Variants in HMGCLL1 observed in about 807,000 individuals in gnomAD.
The protein encoded by HMGCLL1 is 3-hydroxymethyl-3-methylglutaryl-CoA lyase, cytoplasmic.
HMGCLL1 carries 36 observed loss-of-function variants against 39.1 expected under a neutral mutation model. The ratio of observed to expected loss-of-function variants is 0.92; its 90% CI spans 0.71 to 1.22. HMGCLL1 has a LOEUF of 1.22. HMGCLL1 is among the 50% of genes most tolerant of loss of function. The pLI is 0.00. For missense variants in HMGCLL1, 451 were observed against 416.5 expected (o/e 1.08, Z -0.72); for synonymous variants, 149 against 144.0 (o/e 1.03, Z -0.25).
intron 5 of HMGCLL1, among the ~76,000 whole-genome samples, chr6:55,501,816 A>C (rs1258327601): frequency 6.6e-6 from 1 of 151,856 alleles, no homozygotes; most frequent in Non-Finnish European, 1.5e-5. Flanking sequence ...CATCACCTGG[A>C]TTGCTCTACT....
chr6:55,599,148 G>T, the HMGCLL1 span, among the ~76,000 whole-genome samples: 4 of 152,030 alleles, frequency 2.6e-5, no homozygotes, highest in African/African-American at 9.7e-5. Context: ...AGCATTAGGA[G>T]AAACACCTAG....
chr6:55,645,938 C>T, the HMGCLL1 span, among the ~76,000 whole-genome samples: 1 of 151,634 alleles, frequency 6.6e-6, no homozygotes, highest in Non-Finnish European at 1.5e-5. Flanking sequence ...CTCTCTTCTT[C>T]TATGATTTGG....
intron 7 of HMGCLL1, among the ~76,000 whole-genome samples, chr6:55,464,377 G>A (rs1764708946): frequency 6.6e-6 from 1 of 152,072 alleles, no homozygotes; most frequent in South Asian, 2.1e-4. Context: ...GACTTTTAGT[G>A]GTTTAATTAT....
chr6:55,435,552 C>T lies in HMGCLL1; in HGVS notation c.*110G>A. The T allele has an allele frequency of 1.9e-6, 1 of 519,542 alleles. No individual in the cohort carries two copies. The highest frequency in any genetic ancestry group is 3.4e-6 in the Non-Finnish European group (1 of 292,366). The allele number at this position is 519,542 out of a possible 1,614,324, so 32.2% of individuals were successfully genotyped here. ...TTTTTGAAAAGGATCTCTTTTTTCC[C>T]ACTCTTGTCCATTACTTCACATATC... On this transcript the variant is annotated 3_prime_UTR_variant, in exon 9 of 9. Transcript: ENST00000274901.
In HMGCLL1 at chr6:55,435,630, C is replaced by T. The variant is rs1448248956; in HGVS notation, c.*32G>A. ...GATGAGTATTGTAGCTGAAATTGAT[C>T]TTCTCAACGGTACGTCATAAATCCA... On this transcript the variant is annotated 3_prime_UTR_variant, in exon 9 of 9. Transcript: ENST00000274901. 1 of 1,243,560 alleles carries T rather than the reference C, an allele frequency of 8.0e-7. No individual in the cohort carries two copies. Among genetic ancestry groups the T allele is most frequent in the Admixed American group, 2.0e-5 (1 of 49,914 alleles). 77.0% of individuals were successfully genotyped at this position (1,243,560 alleles called of 1,614,324 possible).
chr6:55,666,800 T>G, the HMGCLL1 span, among the ~76,000 whole-genome samples: 1 of 151,718 alleles, frequency 6.6e-6, no homozygotes, highest in African/African-American at 2.4e-5. Context: ...TTTCAAAATT[T>G]TTGGACACAT....
chr6:55,598,576 C>G, the HMGCLL1 span, among the ~76,000 whole-genome samples: 1 of 152,312 alleles, frequency 6.6e-6, no homozygotes, highest in East Asian at 1.9e-4. Context: ...AAATAGCAAG[C>G]TTTTCAGAAC....
chr6:55,478,259 T>C (rs1192015300), intron 7 of HMGCLL1, among the ~76,000 whole-genome samples: 1 of 151,336 alleles, frequency 6.6e-6, no homozygotes, highest in African/African-American at 2.4e-5. Flanking sequence ...CACCTCTCCG[T>C]ATGACATCAA....
upstream of HMGCLL1, among the ~76,000 whole-genome samples, chr6:55,582,674 T>C (rs920717366): frequency 6.6e-6 from 1 of 152,144 alleles, no homozygotes; most frequent in African/African-American, 2.4e-5. Context: ...TACAGCAATT[T>C]TGAGAAATTC....
chr6:55,534,624 G>A (rs1245385473), intron 3 of HMGCLL1, among the ~76,000 whole-genome samples: 1 of 152,120 alleles, frequency 6.6e-6, no homozygotes, highest in East Asian at 1.9e-4. Context: ...GCCTGCAGCT[G>A]CCCAAGCCCC....
chr6:55,576,792 A>T (rs1395918296), intron 1 of HMGCLL1, among the ~76,000 whole-genome samples: 1 of 152,338 alleles, frequency 6.6e-6, no homozygotes, highest in Admixed American at 6.5e-5. Context: ...TGAATAAATT[A>T]TACTGGCATT....
chr6:55,654,720 A>G, the HMGCLL1 span, among the ~76,000 whole-genome samples: 1 of 151,928 alleles, frequency 6.6e-6, no homozygotes, highest in Non-Finnish European at 1.5e-5. Context: ...TCTCTGAAAT[A>G]TTATATTGAA....
At chr6:55,653,501 A>C in the HMGCLL1 span, among the ~76,000 whole-genome samples, 12 of 131,948 alleles carry the variant, frequency 9.1e-5, no homozygotes, top group Non-Finnish European at 1.9e-4. Flanking sequence ...AAAACTTCAA[A>C]CTACCCTGTA....
the HMGCLL1 span, among the ~76,000 whole-genome samples, chr6:55,646,104 T>C: frequency 6.6e-6 from 1 of 151,920 alleles, no homozygotes; most frequent in Non-Finnish European, 1.5e-5. Flanking sequence ...ATTGGATTTA[T>C]TTATGGTTAA....
chr6:55,667,898 C>CT, the HMGCLL1 span, among the ~76,000 whole-genome samples: 986 of 147,886 alleles, frequency 6.7e-3, 14 homozygotes, highest in African/African-American at 0.022. Context: ...ATGCAACAGA[C>CT]TTTTTTTTTT....
intron 7 of HMGCLL1, among the ~76,000 whole-genome samples, chr6:55,475,128 A>G (rs148011941): frequency 1.2e-3 from 183 of 151,662 alleles, no homozygotes; most frequent in African/African-American, 4.3e-3. Context: ...CAGGAAGTCT[A>G]TTGTGGGCTG....
chr6:55,585,789 T>A, the HMGCLL1 span, among the ~76,000 whole-genome samples: 2 of 152,086 alleles, frequency 1.3e-5, no homozygotes, highest in Non-Finnish European at 2.9e-5. Flanking sequence ...CAGATACTTT[T>A]AAAATTTAAT....
At chr6:55,554,439 GACCT>G (rs986387340) in intron 1 of HMGCLL1, among the ~76,000 whole-genome samples, 1 of 151,930 alleles carries the variant, frequency 6.6e-6, no homozygotes, top group African/African-American at 2.4e-5. Flanking sequence ...GGTTTGAATT[GACCT>G]ACACCCTCAA....
chr6:55,543,950 C>T (rs1769801442), intron 1 of HMGCLL1, among the ~76,000 whole-genome samples: 1 of 152,108 alleles, frequency 6.6e-6, no homozygotes, highest in African/African-American at 2.4e-5. Context: ...CCCTCTCTAC[C>T]TTGAACTTGA....
Sources: gnomAD v4.1 joint callset for allele counts (sites outside exome capture counted in the v4.1 genomes callset) on GRCh38, gnomAD v4.1.1 for gene constraint, MANE v1.5 for transcripts, NCBI Gene and HGNC (gene_info 2026-07-23, HGNC 2026-07-21) for gene names.